SEMA3C: variants seen among roughly 807,000 people sequenced by gnomAD.
The protein encoded by SEMA3C is semaphorin 3C.
A neutral mutation model predicts 89.4 loss-of-function variants in SEMA3C; 47 were observed. The observed-to-expected ratio is 0.53, with a 90% CI of 0.42 to 0.67. The LOEUF is 0.67. SEMA3C is among the 30% of genes least tolerant of loss of function. The pLI is 0.00. For missense variants in SEMA3C, 839 were observed against 929.1 expected (o/e 0.90, Z 1.26); for synonymous variants, 310 against 320.2 (o/e 0.97, Z 0.34).
At chr7:80,754,936 C>T (rs535475160) in intron 15 of SEMA3C, among the ~76,000 whole-genome samples, 389 of 30,488 alleles carry the variant, frequency 0.013, 4 homozygotes, top group African/African-American at 0.034. Context: ...TGCCACCATG[C>T]CTGGCGAATT....
intron 2 of SEMA3C, among the ~76,000 whole-genome samples, chr7:80,839,835 C>T (rs965733451): frequency 2.6e-5 from 4 of 151,718 alleles, no homozygotes; most frequent in African/African-American, 9.7e-5. Flanking sequence ...AAGCACATCC[C>T]TTAAGTGACC....
intron 6 of SEMA3C, among the ~76,000 whole-genome samples, chr7:80,809,647 A>G (rs1427096880): frequency 6.6e-6 from 1 of 152,158 alleles, no homozygotes; most frequent in Non-Finnish European, 1.5e-5. Flanking sequence ...TTCATTGTCT[A>G]TACTCCCATG....
At chr7:80,770,657 T>C (rs561492307) in intron 12 of SEMA3C, among the ~76,000 whole-genome samples, 1 of 152,314 alleles carries the variant, frequency 6.6e-6, no homozygotes, top group Non-Finnish European at 1.5e-5. Context: ...CCTACCTCAT[T>C]TTCAGTCTAC....
chr7:80,781,588 C>G (rs1209743571), intron 12 of SEMA3C, among the ~76,000 whole-genome samples: 1 of 152,180 alleles, frequency 6.6e-6, no homozygotes, highest in Admixed American at 6.5e-5. Context: ...TGGATATTCA[C>G]ATAGGGAAGG....
intron 2 of SEMA3C, among the ~76,000 whole-genome samples, chr7:80,914,397 C>T (rs1169332314): frequency 6.9e-6 from 1 of 145,492 alleles, no homozygotes; most frequent in East Asian, 1.9e-4. Context: ...GCATTTCAAG[C>T]AGGTACACTG....
chr7:80,748,955 C>T lies in SEMA3C; in HGVS notation c.1785G>A (p.Lys595=). 6.2e-7 allele frequency: 1 copy of T among 1,613,412 alleles called. No homozygotes were observed. Among genetic ancestry groups the T allele is most frequent in the Non-Finnish European group, 8.5e-7 (1 of 1,179,648 alleles). ...NNTTFLECAP[K]SPQASIKWLL... ...GCCACTTGATAGATGCCTGCGGAGACTTGGGGGCACACTCCAGAAAAGTGG... is the reference window on the plus strand; with the variant it reads ...GCCACTTGATAGATGCCTGCGGAGATTTGGGGGCACACTCCAGAAAAGTGG... Residue 595 remains lysine, a synonymous_variant, in exon 17 of 18, where the codon AAG becomes AAA. Transcript: ENST00000265361.
chr7:80,827,580 A>C (rs1405997018), intron 3 of SEMA3C, 93 bp from the exon 4 acceptor site: 10 of 959,436 alleles, frequency 1.0e-5, no homozygotes, highest in Middle Eastern at 2.3e-4. Context: ...AGATTTATTT[A>C]AGGTGATCTT....
At chr7:80,847,003 A>T (rs1583936442) in intron 2 of SEMA3C, among the ~76,000 whole-genome samples, 1 of 152,202 alleles carries the variant, frequency 6.6e-6, no homozygotes, top group East Asian at 1.9e-4. Flanking sequence ...ATTCTTACAC[A>T]CTTTAGATAC....
At chr7:80,898,101 C>T (rs1791783099) in intron 2 of SEMA3C, among the ~76,000 whole-genome samples, 1 of 151,606 alleles carries the variant, frequency 6.6e-6, no homozygotes, top group Non-Finnish European at 1.5e-5. Context: ...TGGTGGCTCA[C>T]CCCCTGTAAT....
intron 17 of SEMA3C, among the ~76,000 whole-genome samples, chr7:80,748,023 C>T (rs930159924): frequency 1.3e-5 from 2 of 152,116 alleles, no homozygotes; most frequent in Admixed American, 6.6e-5. Flanking sequence ...TCTACATACC[C>T]TTAATTAACT....
intron 17 of SEMA3C, 60 bp from the exon 18 acceptor site, chr7:80,745,367 C>A: frequency 6.8e-7 from 1 of 1,464,016 alleles, no homozygotes; most frequent in Non-Finnish European, 9.4e-7. Flanking sequence ...TAGATTATGA[C>A]CAACATACAC....
intron 10 of SEMA3C, among the ~76,000 whole-genome samples, chr7:80,798,443 A>G (rs536723839): frequency 6.6e-6 from 1 of 152,224 alleles, no homozygotes. Context: ...CCATGGAGTC[A>G]GTAGACAATA....
In SEMA3C at chr7:80,899,700, C is replaced by G. The variant is rs973371784; in HGVS notation, c.103+16979G>C. On this transcript the variant is annotated intron_variant, in intron 2 of 17. Transcript: ENST00000265361. Reference sequence around the variant, plus strand: ...AAAAGAAACCAGGCTAGAAGAAGGGCTCTTCTCAGCCCCCATCAGTCCTTG... The same window carrying G: ...AAAAGAAACCAGGCTAGAAGAAGGGGTCTTCTCAGCCCCCATCAGTCCTTG... Among the ~76,000 whole-genome samples the G allele has an allele frequency of 2.8e-4, 43 of 152,136 alleles. 3 individuals are homozygous for G. In the East Asian group the frequency reaches 4.2e-3, roughly 15 times the overall value.
At chr7:80,789,582 T>A in intron 11 of SEMA3C, 54 bp from the exon 12 acceptor site, 2 of 1,293,588 alleles carry the variant, frequency 1.5e-6, no homozygotes, top group Non-Finnish European at 2.1e-6. Flanking sequence ...CTTGTTCTAG[T>A]AATAATCAAA....
chr7:80,804,053 C>A (rs1284166127), intron 8 of SEMA3C, 53 bp downstream of exon 8: 2 of 1,479,962 alleles, frequency 1.4e-6, no homozygotes, highest in African/African-American at 1.4e-5. Flanking sequence ...GGAGATAAAC[C>A]ATAATTTGAA....
At chr7:80,780,607 G>A (rs1363550500) in intron 12 of SEMA3C, among the ~76,000 whole-genome samples, 1 of 152,142 alleles carries the variant, frequency 6.6e-6, no homozygotes, top group Non-Finnish European at 1.5e-5. Flanking sequence ...TTAAAGGCCA[G>A]GTGCAGTGAC....
chr7:80,748,802 C>T (rs1195708444), intron 17 of SEMA3C, 96 bp downstream of exon 17: 2 of 1,246,096 alleles, frequency 1.6e-6, no homozygotes, highest in Admixed American at 2.6e-5. Flanking sequence ...GATCATATGC[C>T]TTTCCTTTTT....
At chr7:80,919,180 C>G (rs978277033), upstream of SEMA3C, 4 of 984,764 alleles carry the variant, frequency 4.1e-6, no homozygotes, top group Non-Finnish European at 4.8e-6. Context: ...GCCCCGGCCG[C>G]ATCTCCGCCA....
chr7:80,802,256 A>G (rs1789226372), intron 9 of SEMA3C, among the ~76,000 whole-genome samples: 1 of 152,180 alleles, frequency 6.6e-6, no homozygotes, highest in African/African-American at 2.4e-5. Context: ...TTTTCCATCC[A>G]AACTCTATCC....
Sources: allele counts gnomAD v4.1 joint callset (sites outside exome capture counted in the v4.1 genomes callset), GRCh38; gene constraint gnomAD v4.1.1; transcripts MANE v1.5; gene names NCBI Gene and HGNC (gene_info 2026-07-23, HGNC 2026-07-21).